CAST: variants seen among roughly 807,000 people sequenced by gnomAD.
The protein encoded by CAST is MIR583 host.
In CAST, 76 loss-of-function variants were observed where a neutral mutation model predicts 119.6. That is an observed-to-expected ratio of 0.64 (90% confidence interval 0.53 to 0.77). The LOEUF is 0.77. Among genes scored for constraint, CAST ranks in the 30% least tolerant of loss-of-function variants. CAST has a pLI of 0.00. For synonymous variants in CAST, 319 were observed against 331.6 expected (o/e 0.96, Z 0.41); for missense variants, 953 against 946.5 (o/e 1.01, Z -0.09).
the CAST span, among the ~76,000 whole-genome samples, chr5:96,425,299 G>C: frequency 6.6e-6 from 1 of 152,210 alleles, no homozygotes; most frequent in Non-Finnish European, 1.5e-5. Context: ...CAAGGATTTG[G>C]TAACTATCTT....
chr5:96,721,633 A>C (rs1385514616), intron 3 of CAST, among the ~76,000 whole-genome samples: 2 of 152,202 alleles, frequency 1.3e-5, no homozygotes, highest in Non-Finnish European at 2.9e-5. Context: ...AAGGCAGCTC[A>C]TGCCAGATGG....
the CAST span, among the ~76,000 whole-genome samples, chr5:96,181,703 A>G: frequency 6.6e-6 from 1 of 152,118 alleles, no homozygotes; most frequent in African/African-American, 2.4e-5. Context: ...GTTTATGGTT[A>G]TTTCTTCATT....
At chr5:96,289,942 A>T in the CAST span, among the ~76,000 whole-genome samples, 59 of 151,136 alleles carry the variant, frequency 3.9e-4, no homozygotes, top group East Asian at 1.9e-3. Context: ...TTTTTTTTTT[A>T]AAAAAAACAG....
At chr5:96,153,737 G>T in the CAST span, among the ~76,000 whole-genome samples, 39 of 152,214 alleles carry the variant, frequency 2.6e-4, no homozygotes, top group African/African-American at 9.1e-4. Context: ...GACTGAAAAT[G>T]TCTGTTAAAG....
the CAST span, among the ~76,000 whole-genome samples, chr5:96,495,794 T>A: frequency 6.6e-6 from 1 of 152,342 alleles, no homozygotes; most frequent in South Asian, 2.1e-4. Context: ...TTCACAAAAA[T>A]TATTTCAAGA....
the CAST span, among the ~76,000 whole-genome samples, chr5:96,159,366 C>G: frequency 1.3e-5 from 2 of 152,126 alleles, no homozygotes; most frequent in African/African-American, 4.8e-5. Context: ...CCTTAAAATG[C>G]TATTTTCTCC....
intron 3 of CAST, among the ~76,000 whole-genome samples, chr5:96,719,788 CT>C (rs1757895985): frequency 6.6e-6 from 1 of 152,168 alleles, no homozygotes; most frequent in Non-Finnish European, 1.5e-5. Flanking sequence ...GTAGAGGGAC[CT>C]GGGTTAGAAG....
the CAST span, chr5:96,416,178 C>A: frequency 1.7e-6 from 2 of 1,191,932 alleles, no homozygotes. Context: ...ATTTGTTTTG[C>A]ATATGAATGA....
chr5:96,677,731 T>A (rs1432810162), intron 2 of CAST, among the ~76,000 whole-genome samples: 1 of 152,238 alleles, frequency 6.6e-6, no homozygotes, highest in African/African-American at 2.4e-5. Flanking sequence ...ATAGAGACTT[T>A]GCTCTGTCCC....
intron 1 of CAST, among the ~76,000 whole-genome samples, chr5:96,540,423 C>A (rs986985813): frequency 4.6e-5 from 7 of 151,836 alleles, no homozygotes; most frequent in Middle Eastern, 3.2e-3. Context: ...TTTATTCTTG[C>A]AGTAACTTTT....
intron 1 of CAST, among the ~76,000 whole-genome samples, chr5:96,567,831 C>T (rs1746499869): frequency 6.6e-6 from 1 of 152,112 alleles, no homozygotes; most frequent in Admixed American, 6.5e-5. Flanking sequence ...GGAATGTAGA[C>T]AGGGGATGAC....
chr5:96,320,068 C>T, the CAST span, among the ~76,000 whole-genome samples: 1 of 151,650 alleles, frequency 6.6e-6, no homozygotes, highest in African/African-American at 2.4e-5. Flanking sequence ...CTGTGTCGCC[C>T]TGCTGAAAAA....
the CAST span, among the ~76,000 whole-genome samples, chr5:96,143,866 T>C: frequency 6.6e-6 from 1 of 152,256 alleles, no homozygotes; most frequent in Non-Finnish European, 1.5e-5. Flanking sequence ...GTTTCACTTA[T>C]TGAAATGTTA....
the CAST span, among the ~76,000 whole-genome samples, chr5:96,435,355 A>G: frequency 2.6e-5 from 4 of 152,250 alleles, no homozygotes; most frequent in Non-Finnish European, 4.4e-5. Context: ...TCACAAAAAG[A>G]AGATAATATC....
chr5:96,414,262 C>A, the CAST span, among the ~76,000 whole-genome samples: 1 of 152,252 alleles, frequency 6.6e-6, no homozygotes, highest in South Asian at 2.1e-4. Context: ...AGCTCATGTG[C>A]ATTCATGATA....
the CAST span, among the ~76,000 whole-genome samples, chr5:96,062,428 G>C: frequency 7.9e-5 from 12 of 152,150 alleles, no homozygotes; most frequent in Non-Finnish European, 1.3e-4. Flanking sequence ...AGCGATGAAG[G>C]CTTGAAAGTT....
chr5:96,388,356 A>T, the CAST span, among the ~76,000 whole-genome samples: 2 of 152,232 alleles, frequency 1.3e-5, no homozygotes, highest in African/African-American at 2.4e-5. Flanking sequence ...TGGTTCCAGA[A>T]TGTGGTTTTG....
rs906063706 is a variant in CAST at position 96,773,406 on chromosome 5, T to C, written c.*790T>C. The C allele has an allele frequency of 2.0e-5, 3 of 152,556 alleles. No individual in the cohort carries two copies. The highest frequency in any genetic ancestry group is 7.2e-5 in the African/African-American group (3 of 41,454). 9.5% of individuals were successfully genotyped at this position (152,556 alleles called of 1,614,324 possible). On this transcript the variant is annotated 3_prime_UTR_variant, in exon 32 of 32. Transcript: ENST00000675179. ...TAAGAAATAAAATCTAATTAATTCT[T>C]AGGGTACTCATCTGACTTGAACTCT... is the stretch of plus-strand genomic sequence containing the variant.
chr5:96,463,229 A>T, the CAST span, among the ~76,000 whole-genome samples: 2 of 152,092 alleles, frequency 1.3e-5, no homozygotes, highest in African/African-American at 4.8e-5. Flanking sequence ...ATCATTTGTA[A>T]TTTGAAACTC....
Sources: allele counts gnomAD v4.1 joint callset (sites outside exome capture counted in the v4.1 genomes callset), GRCh38; gene constraint gnomAD v4.1.1; transcripts MANE v1.5; gene names NCBI Gene and HGNC (gene_info 2026-07-23, HGNC 2026-07-21).